Variants in DISC1 observed in about 807,000 individuals in gnomAD.
DISC1 encodes the protein DISC1 scaffold protein.
A neutral mutation model predicts 84.5 loss-of-function variants in DISC1; 57 were observed. That is an observed-to-expected ratio of 0.67 (90% CI 0.55 to 0.84). DISC1 has a LOEUF of 0.84. DISC1 is among the 40% of genes least tolerant of loss of function. The pLI is 0.00. For synonymous variants in DISC1, 411 were observed against 415.2 expected, an observed-to-expected ratio of 0.99 and a Z score of 0.12; for missense variants, 1,000 against 1,057.8, an observed-to-expected ratio of 0.95 and a Z score of 0.76.
At chr1:231,762,383 G>A (rs2075810263) in intron 4 of DISC1, among the ~76,000 whole-genome samples, 1 of 151,436 alleles carries the variant, frequency 6.6e-6, no homozygotes, top group Non-Finnish European at 1.5e-5. Flanking sequence ...TGCCTAGGCT[G>A]GGGTGCAGCA....
chr1:231,770,559 A>G (rs2076478106), intron 5 of DISC1, among the ~76,000 whole-genome samples: 2 of 152,192 alleles, frequency 1.3e-5, no homozygotes, highest in Admixed American at 6.5e-5. Flanking sequence ...TCATTTATGT[A>G]TCTGCTGGGT....
intron 10 of DISC1, chr1:231,959,644 T>A: frequency 2.5e-6 from 1 of 399,346 alleles, no homozygotes; most frequent in Non-Finnish European, 3.4e-6. Flanking sequence ...GCTTTTCCAT[T>A]AAGAGATGTT....
intron 3 of DISC1, chr1:231,702,290 G>A (rs945453688): frequency 1.7e-6 from 2 of 1,155,494 alleles, no homozygotes; most frequent in African/African-American, 1.6e-5. Flanking sequence ...AATTATATTA[G>A]CTTGCCACCT....
chr1:231,634,874 A>G (rs866664772), intron 1 of DISC1, among the ~76,000 whole-genome samples: 3 of 152,020 alleles, frequency 2.0e-5, no homozygotes, highest in South Asian at 2.1e-4. Flanking sequence ...TTGTGCCTAC[A>G]AATAGCCACT....
chr1:231,922,914 A>G (rs2090095830), intron 9 of DISC1, among the ~76,000 whole-genome samples: 1 of 152,082 alleles, frequency 6.6e-6, no homozygotes, highest in African/African-American at 2.4e-5. Flanking sequence ...CAAACTCCCA[A>G]CTTGAGAAAA....
intron 1 of DISC1, among the ~76,000 whole-genome samples, chr1:231,644,841 T>G (rs2059996190): frequency 6.6e-6 from 1 of 152,040 alleles, no homozygotes; most frequent in African/African-American, 2.4e-5. Context: ...TGAAGTGGTC[T>G]TAGTTTCCCT....
At chr1:231,869,223 G>A (rs1425785624) in intron 9 of DISC1, among the ~76,000 whole-genome samples, 1 of 152,148 alleles carries the variant, frequency 6.6e-6, no homozygotes, top group East Asian at 1.9e-4. Context: ...TTTGGGAGAA[G>A]AATATGCCTG....
chr1:231,647,656 G>T (rs1245159693), intron 1 of DISC1, among the ~76,000 whole-genome samples: 1 of 152,152 alleles, frequency 6.6e-6, no homozygotes, highest in Admixed American at 6.5e-5. Context: ...GGGCAGTATG[G>T]CCATTTTCAC....
In DISC1 at chr1:231,630,250, C is replaced by A. The variant is rs752183901; in HGVS notation, c.67+3316C>A. ...GGCCCTTTAAACAAGATTTAAAGAC[C>A]AGCACACAAAGTTTCTGAGTACAAA... On this transcript the variant is annotated intron_variant, in intron 1 of 12. Coordinates refer to ENST00000439617, the MANE Select transcript of DISC1 (RefSeq NM_018662.3). This position sits in a 1 kb window ranked among gnomAD's most constrained non-coding sequence, Gnocchi z 4.4. 4.6e-5 allele frequency among the ~76,000 whole-genome samples: 7 copies of A among 152,056 alleles called. No homozygotes were observed. Among genetic ancestry groups the A allele is most frequent in the Non-Finnish European group, 8.8e-5 (6 of 68,006 alleles).
At position 231,954,645 on chromosome 1, in the gene DISC1, C is replaced by T. The variant is rs1225273109; in HGVS notation, c.1982-4183C>T. 6.6e-6 allele frequency among the ~76,000 whole-genome samples: 1 copy of T among 152,106 alleles called. No homozygotes were observed. The highest frequency in any genetic ancestry group is 1.5e-5 in the Non-Finnish European group (1 of 68,042). On this transcript the variant is annotated intron_variant, in intron 9 of 12. Transcript: ENST00000439617. This position sits in a 1 kb window ranked among gnomAD's most constrained non-coding sequence, Gnocchi z 4.8. ...TGGAACCTTGCCTTACTACCATTGC[C>T]ATTCTCATAGGTCCCTGCTCTACTG...
At chr1:231,725,624 C>T (rs868799611) in intron 3 of DISC1, among the ~76,000 whole-genome samples, 2 of 152,234 alleles carry the variant, frequency 1.3e-5, no homozygotes, top group African/African-American at 2.4e-5. Flanking sequence ...AGGAGCAGTA[C>T]GCTTCATTAA....
At chr1:232,034,473 C>G (rs200685824) in intron 12 of DISC1, among the ~76,000 whole-genome samples, 1 of 152,198 alleles carries the variant, frequency 6.6e-6, no homozygotes, top group Non-Finnish European at 1.5e-5. Context: ...GTTGTATGAG[C>G]GGCTGATGTG....
At chr1:231,711,542 G>A (rs970009594) in intron 3 of DISC1, among the ~76,000 whole-genome samples, 2 of 149,688 alleles carry the variant, frequency 1.3e-5, no homozygotes, top group Non-Finnish European at 3.0e-5. Context: ...TTTTTTTTTG[G>A]TATTTTTAAT....
chr1:231,910,304 G>C (rs983237722), intron 9 of DISC1, among the ~76,000 whole-genome samples: 22 of 152,056 alleles, frequency 1.4e-4, no homozygotes, highest in Admixed American at 1.1e-3. Context: ...TTTCTCTTGT[G>C]GGCATGTAGT....
At chr1:231,756,435 A>G (rs2125361126) in intron 4 of DISC1, among the ~76,000 whole-genome samples, 1 of 152,086 alleles carries the variant, frequency 6.6e-6, no homozygotes, top group East Asian at 1.9e-4. Context: ...CATAATCTGT[A>G]TTCTATATTC....
At chr1:231,776,375 T>C (rs2076964762) in intron 6 of DISC1, among the ~76,000 whole-genome samples, 1 of 152,216 alleles carries the variant, frequency 6.6e-6, no homozygotes, top group Non-Finnish European at 1.5e-5. Flanking sequence ...CATGGATGAA[T>C]TGTCGCTTGT....
At chr1:231,913,326 G>C (rs985364390) in intron 9 of DISC1, among the ~76,000 whole-genome samples, 2 of 152,166 alleles carry the variant, frequency 1.3e-5, no homozygotes, top group South Asian at 2.1e-4. Flanking sequence ...GCTTATAAAT[G>C]CTTCATGTTG....
intron 1 of DISC1, among the ~76,000 whole-genome samples, chr1:231,658,638 T>G (rs537978266): frequency 9.9e-5 from 15 of 152,196 alleles, no homozygotes; most frequent in African/African-American, 1.7e-4. Flanking sequence ...TCTTATTATT[T>G]TGAGGTATGT....
At chr1:231,918,959 A>T (rs1368032262) in intron 9 of DISC1, among the ~76,000 whole-genome samples, 1 of 152,180 alleles carries the variant, frequency 6.6e-6, no homozygotes, top group East Asian at 1.9e-4. Context: ...TATGCAATAG[A>T]GTTTTTCTGT....
Sources: gnomAD v4.1 joint callset for allele counts (sites outside exome capture counted in the v4.1 genomes callset) on GRCh38, gnomAD v4.1.1 for gene constraint, Gnocchi (gnomAD v3.1) non-coding constraint, MANE v1.5 for transcripts, NCBI Gene and HGNC (gene_info 2026-07-23, HGNC 2026-07-21) for gene names.